QPRT: variants seen among roughly 807,000 people sequenced by gnomAD.
The protein encoded by QPRT is nicotinate-nucleotide pyrophosphorylase [carboxylating].
QPRT carries 17 observed loss-of-function variants against 19.8 expected under a neutral mutation model. That is an observed-to-expected ratio of 0.86 (90% CI 0.59 to 1.29). The LOEUF (loss-of-function observed/expected upper bound fraction) is 1.29, where lower values mean the gene tolerates loss of function less well. QPRT is among the 50% of genes most tolerant of loss of function. The pLI, the probability that QPRT is intolerant of heterozygous loss-of-function variation, is 0.00. For synonymous variants in QPRT, 178 were observed against 191.0 expected, an observed-to-expected ratio of 0.93 and a Z score of 0.56; for missense variants, 336 against 405.1, an observed-to-expected ratio of 0.83 and a Z score of 1.46.
At chr16:29,693,085 T>C (rs1967400196) in intron 1 of QPRT, among the ~76,000 whole-genome samples, 1 of 151,466 alleles carries the variant, frequency 6.6e-6, no homozygotes. Context: ...AAAAATTACA[T>C]CATAGAGAAT....
At chr16:29,696,255 C>G (rs1395590914) in intron 2 of QPRT, 1 of 146,946 alleles carries the variant, frequency 6.8e-6, no homozygotes, top group African/African-American at 2.5e-5. Flanking sequence ...TTTGGGAGGC[C>G]CAGTTGGGGG....
At chr16:29,683,468 A>G (rs1022058584) in intron 1 of QPRT, among the ~76,000 whole-genome samples, 4 of 151,438 alleles carry the variant, frequency 2.6e-5, no homozygotes, top group African/African-American at 9.7e-5. Flanking sequence ...GGATCCTCCC[A>G]CTTCAGCCTT....
intron 1 of QPRT, among the ~76,000 whole-genome samples, chr16:29,687,658 A>G (rs563490553): frequency 6.6e-6 from 1 of 151,954 alleles, no homozygotes; most frequent in Non-Finnish European, 1.5e-5. Flanking sequence ...GAGGCAGGAG[A>G]ACTCAGGAGG....
At chr16:29,685,833 C>A (rs972677944) in intron 1 of QPRT, among the ~76,000 whole-genome samples, 2 of 151,994 alleles carry the variant, frequency 1.3e-5, no homozygotes, top group African/African-American at 2.4e-5. Flanking sequence ...GACCCCCCGT[C>A]TCTACTTAAA....
Position 29,698,247 on chromosome 16 carries a change from G to C in QPRT, c.*836G>C, listed in dbSNP as rs1352224236. On this transcript the variant is annotated 3_prime_UTR_variant, in exon 4 of 4. Coordinates refer to ENST00000395384, the MANE Select transcript of QPRT (RefSeq NM_014298.6). ...CTAAACCAAAGGGGCCAGTCCCACA[G>C]TAAGAAGGAGACCACTACTACTCCT... The C allele has an allele frequency of 6.6e-6, 1 of 152,266 alleles. No homozygotes were observed. The highest frequency in any genetic ancestry group is 1.5e-5 in the Non-Finnish European group (1 of 68,070). The allele number at this position is 152,266 out of a possible 1,614,324, so 9.4% of individuals were successfully genotyped here. A position where few individuals can be genotyped will look rare whatever the true frequency, so the allele number is the denominator to read the frequency against.
At position 29,694,226 on chromosome 16, in the gene QPRT, C is replaced by T. The variant is rs946113268; in HGVS notation, c.14-438C>T. Among the ~76,000 whole-genome samples the T allele has an allele frequency of 8.6e-5, 13 of 151,944 alleles. No individual in the cohort carries two copies. In the East Asian group the frequency reaches 2.1e-3, roughly 25 times the overall value. On this transcript the variant is annotated intron_variant, in intron 1 of 3. Transcript: ENST00000395384. Reference sequence around the variant, plus strand: ...CTCCACCTCCCAGGTTCACGCCATTCTCCTGCCTCAGCCTCTGGAGTCGCT... The same window carrying T: ...CTCCACCTCCCAGGTTCACGCCATTTTCCTGCCTCAGCCTCTGGAGTCGCT...
At chr16:29,691,089 G>T (rs1462807207) in intron 1 of QPRT, among the ~76,000 whole-genome samples, 1 of 151,656 alleles carries the variant, frequency 6.6e-6, no homozygotes, top group Non-Finnish European at 1.5e-5. Flanking sequence ...GTCTGGCCAG[G>T]CACGGTGGCT....
In QPRT at chr16:29,697,517, C is replaced by A; in HGVS notation, c.*106C>A. The A allele has an allele frequency of 8.3e-7, 1 of 1,204,502 alleles. No individual in the cohort carries two copies. The highest frequency in any genetic ancestry group is 1.1e-6 in the Non-Finnish European group (1 of 874,030). The allele number at this position is 1,204,502 out of a possible 1,614,324, so 74.6% of individuals were successfully genotyped here. ...AGTGGCCAATGGGGCACATTTGGCA[C>A]TAGCTTGAGCCCAACTCTGGCTCTG... is the stretch of plus-strand genomic sequence containing the variant. On this transcript the variant is annotated 3_prime_UTR_variant, in exon 4 of 4. Coordinates refer to ENST00000395384, the MANE Select transcript of QPRT (RefSeq NM_014298.6). The surrounding 1 kb of genome is among the most constrained non-coding windows in gnomAD (Gnocchi z 4.4).
chr16:29,686,857 A>G, intron 1 of QPRT, among the ~76,000 whole-genome samples: 1 of 152,124 alleles, frequency 6.6e-6, no homozygotes, highest in Admixed American at 6.6e-5. Flanking sequence ...GAGTGCTGGG[A>G]TTAACAGACA....
intron 1 of QPRT, among the ~76,000 whole-genome samples, chr16:29,690,647 TGATA>T (rs1967298929): frequency 6.6e-6 from 1 of 152,170 alleles, no homozygotes; most frequent in African/African-American, 2.4e-5. Context: ...TTAGTTAGAC[TGATA>T]CATTTGAGAC....
At chr16:29,691,529 T>A (rs971550621) in intron 1 of QPRT, among the ~76,000 whole-genome samples, 1 of 151,626 alleles carries the variant, frequency 6.6e-6, no homozygotes, top group Non-Finnish European at 1.5e-5. Context: ...ACAAAAAATA[T>A]ACAAAAATTA....
intron 1 of QPRT, among the ~76,000 whole-genome samples, chr16:29,681,160 A>C (rs1456509161): frequency 2.0e-5 from 3 of 151,914 alleles, no homozygotes; most frequent in Non-Finnish European, 2.9e-5. Flanking sequence ...CTTTTGAAAC[A>C]ACGCCGACCT....
intron 2 of QPRT, 139 bp downstream of exon 2, chr16:29,695,338 G>A (rs1403126176): frequency 9.9e-7 from 1 of 1,014,232 alleles, no homozygotes. Flanking sequence ...TCCCACCTCA[G>A]CTCCTCCATC....
chr16:29,689,864 G>A (rs1967275175), intron 1 of QPRT, among the ~76,000 whole-genome samples: 1 of 150,614 alleles, frequency 6.6e-6, no homozygotes, highest in Admixed American at 6.6e-5. Context: ...GACCCCCTTA[G>A]AGTTGTGAGC....
intron 1 of QPRT, among the ~76,000 whole-genome samples, chr16:29,690,342 A>G (rs952225326): frequency 2.6e-5 from 4 of 152,158 alleles, no homozygotes; most frequent in Admixed American, 6.6e-5. Context: ...TGTCTTTATA[A>G]CAGAATGGTT....
chr16:29,690,034 C>T (rs1479780735), intron 1 of QPRT, among the ~76,000 whole-genome samples: 15 of 152,154 alleles, frequency 9.9e-5, no homozygotes, highest in East Asian at 7.7e-4. Context: ...TCCAAACTTC[C>T]GCCCTCCAAT....
In QPRT at chr16:29,697,050, T is replaced by C. The variant is rs1156510372; in HGVS notation, c.604T>C (p.Cys202Arg). ...ADFTLKVEVECSSLQEAVQAA... is the reference protein window; with the variant it reads ...ADFTLKVEVERSSLQEAVQAA... ...CTTCACTCTGAAGGTGGAAGTGGAA[T>C]GCAGCAGCCTGCAGGAGGCCGTGCA... The change falls in exon 3 of 4, where the codon TGC (cysteine) becomes CGC (arginine). Residue 202 changes from cysteine (C) to arginine (R), a missense_variant. By Grantham distance (180) the Cys-to-Arg change is radical. Coordinates refer to ENST00000395384, the MANE Select transcript of QPRT (RefSeq NM_014298.6). This position sits in a 1 kb window ranked among gnomAD's most constrained non-coding sequence, Gnocchi z 4.4. 11 of 1,611,394 alleles carry C rather than the reference T, an allele frequency of 6.8e-6. No homozygotes were observed. The highest frequency in any genetic ancestry group is 9.3e-6 in the Non-Finnish European group (11 of 1,179,314).
At chr16:29,696,640 G>A (rs1967542915) in intron 2 of QPRT, 2 of 181,256 alleles carry the variant, frequency 1.1e-5, no homozygotes, top group South Asian at 2.7e-4. Flanking sequence ...AATTAGCTGG[G>A]CATGGTGGCA....
intron 2 of QPRT, 67 bp downstream of exon 2, chr16:29,695,266 C>T: frequency 1.4e-6 from 2 of 1,450,422 alleles, no homozygotes; most frequent in Non-Finnish European, 1.8e-6. Context: ...CCTCCCCTCT[C>T]CAGAGCCTCC....
Sources: gnomAD v4.1 joint callset for allele counts (sites outside exome capture counted in the v4.1 genomes callset) on GRCh38, gnomAD v4.1.1 for gene constraint, Gnocchi (gnomAD v3.1) non-coding constraint, MANE v1.5 for transcripts, NCBI Gene and HGNC (gene_info 2026-07-23, HGNC 2026-07-21) for gene names.